Variants in CYP27A1 observed in about 807,000 individuals in gnomAD.
CYP27A1 encodes cytochrome P450 family 27 subfamily A member 1.
A neutral mutation model predicts 58.2 loss-of-function variants in CYP27A1; 46 were observed. The ratio of observed to expected loss-of-function variants is 0.79; its 90% confidence interval spans 0.62 to 1.01. The LOEUF is 1.01. Ranked by LOEUF, CYP27A1 falls within the 50% of genes least tolerant of loss-of-function variation. The pLI is 0.00. For synonymous variants in CYP27A1, 274 were observed against 285.1 expected (o/e 0.96, Z 0.39); for missense variants, 704 against 687.0 (o/e 1.02, Z -0.28).
At chr2:218,806,861 T>TATGGAAC (rs1384620169) in intron 1 of CYP27A1, among the ~76,000 whole-genome samples, 1 of 152,102 alleles carries the variant, frequency 6.6e-6, no homozygotes, top group Non-Finnish European at 1.5e-5. Context: ...TGGTTCATGG[T>TATGGAAC]CAGCTCTATG....
intron 1 of CYP27A1, among the ~76,000 whole-genome samples, chr2:218,806,550 A>G (rs980626125): frequency 6.6e-6 from 1 of 152,230 alleles, no homozygotes; most frequent in Non-Finnish European, 1.5e-5. Context: ...CTGGGTTGTT[A>G]TTGCATAATA....
intron 1 of CYP27A1, among the ~76,000 whole-genome samples, chr2:218,796,181 G>A (rs1943546241): frequency 6.6e-6 from 1 of 152,182 alleles, no homozygotes; most frequent in Non-Finnish European, 1.5e-5. Context: ...ACTCCTTAAA[G>A]GGAAGCATAC....
At position 218,809,770 on chromosome 2, in the gene CYP27A1, G is replaced by A; in HGVS notation, c.446+3G>A. 2 of 1,612,666 alleles carry A rather than the reference G, an allele frequency of 1.2e-6. No individual in the cohort carries two copies. Among genetic ancestry groups the A allele is most frequent in the South Asian group, 1.1e-5 (1 of 90,978 alleles). ...CTGACCTATGGGCCGTTCACCACGTGAGCTGGGGCCTGAAGGGACTGGAAC... is the reference window on the plus strand; with the variant it reads ...CTGACCTATGGGCCGTTCACCACGTAAGCTGGGGCCTGAAGGGACTGGAAC... On this transcript the variant is annotated splice_donor_region_variant and intron_variant, in intron 2 of 8. Coordinates refer to ENST00000258415, the MANE Select transcript of CYP27A1 (RefSeq NM_000784.4).
intron 1 of CYP27A1, among the ~76,000 whole-genome samples, chr2:218,797,117 T>C (rs7599010): frequency 0.51 from 77,752 of 151,986 alleles, 20,560 homozygotes; most frequent in African/African-American, 0.6. Flanking sequence ...TTTTTTGAGA[T>C]GGAGTTTTGC....
chr2:218,814,759 T>C lies in CYP27A1; in HGVS notation c.1476+2T>C, dbSNP rs1165952837. On this transcript the variant is annotated splice_donor_variant, in intron 8 of 8. Transcript: ENST00000258415. LOFTEE classifies it high-confidence loss of function. ...GAGATGCAGCTACTCCTCGCAAGGG[T>C]GAGCTGGGAGAGGCTAGTAGGGTGT... is the stretch of plus-strand genomic sequence containing the variant. The C allele has an allele frequency of 6.2e-7, 1 of 1,613,768 alleles. No homozygotes were observed. The highest frequency in any genetic ancestry group is 1.6e-4 in the Middle Eastern group (1 of 6,062).
Position 218,814,862 on chromosome 2 carries a change from G to A in CYP27A1, c.1477-49G>A, listed in dbSNP as rs754657308. 7 of 1,614,024 alleles carry A rather than the reference G, an allele frequency of 4.3e-6. No individual in the cohort carries two copies. In the South Asian group the frequency reaches 5.5e-5, roughly 13 times the overall value. ...GTAGGAGTGTGCAGAGCGGGGAGTG[G>A]ATGGCAAACACACAATCCACCCAAC... On this transcript the variant is annotated intron_variant, in intron 8 of 8. Transcript: ENST00000258415.
At chr2:218,795,889 G>C (rs1943543297) in intron 1 of CYP27A1, among the ~76,000 whole-genome samples, 1 of 152,096 alleles carries the variant, frequency 6.6e-6, no homozygotes, top group Admixed American at 6.5e-5. Context: ...TTCTACATAG[G>C]CCTTTTAGAT....
Position 218,815,106 on chromosome 2 carries a change from C to G in CYP27A1, c.*76C>G. 1 of 1,587,400 alleles carries G rather than the reference C, an allele frequency of 6.3e-7. No individual in the cohort carries two copies. Among genetic ancestry groups the G allele is most frequent in the Non-Finnish European group, 8.6e-7 (1 of 1,158,266 alleles). ...CAGTGGTTCCTGGCTGCTGCCATGT[C>G]TCAGATGAGGAGGGAGAGAAGGAGG... On this transcript the variant is annotated 3_prime_UTR_variant, in exon 9 of 9. Transcript: ENST00000258415.
At chr2:218,787,718 C>T (rs752001270) in intron 1 of CYP27A1, among the ~76,000 whole-genome samples, 27 of 143,726 alleles carry the variant, frequency 1.9e-4, no homozygotes, top group Non-Finnish European at 2.8e-4. Flanking sequence ...TTCTGCCATC[C>T]GATGACATTG....
At chr2:218,802,812 CT>C in intron 1 of CYP27A1, among the ~76,000 whole-genome samples, 1 of 152,094 alleles carries the variant, frequency 6.6e-6, no homozygotes, top group Non-Finnish European at 1.5e-5. Flanking sequence ...AACATCTTTT[CT>C]TGTGGTTAAC....
chr2:218,797,838 A>G (rs1057332674), intron 1 of CYP27A1, among the ~76,000 whole-genome samples: 1 of 152,342 alleles, frequency 6.6e-6, no homozygotes, highest in Admixed American at 6.5e-5. Flanking sequence ...CAATTTACAG[A>G]AAAAGCATAT....
rs1448337337 is a variant in CYP27A1 at position 218,782,554 on chromosome 2, C to T, written c.255+117C>T. On this transcript the variant is annotated intron_variant, in intron 1 of 8. Transcript: ENST00000258415. The surrounding 1 kb of genome is among the most constrained non-coding windows in gnomAD (Gnocchi z 4.1). The stretch of plus-strand genomic sequence containing the variant: ...CTGCAGGAACTCAGCTGGGGACCCA[C>T]TGAGGCTATGGTCATAAACTGGAAA... 3 of 1,329,204 alleles carry T rather than the reference C, an allele frequency of 2.3e-6. No homozygotes were observed. Among genetic ancestry groups the T allele is most frequent in the Non-Finnish European group, 3.2e-6 (3 of 934,608 alleles). 82.3% of individuals were successfully genotyped at this position (1,329,204 alleles called of 1,614,324 possible).
chr2:218,804,899 A>G (rs1395789949), intron 1 of CYP27A1, among the ~76,000 whole-genome samples: 1 of 152,238 alleles, frequency 6.6e-6, no homozygotes, highest in African/African-American at 2.4e-5. Context: ...GTGAGAGATC[A>G]GGGTGCCAGT....
intron 1 of CYP27A1, among the ~76,000 whole-genome samples, chr2:218,791,135 T>C (rs1943489012): frequency 6.6e-6 from 1 of 152,190 alleles, no homozygotes; most frequent in Non-Finnish European, 1.5e-5. Flanking sequence ...TGTACCCAGC[T>C]GAGGGATAAA....
chr2:218,805,193 T>G (rs1179774213), intron 1 of CYP27A1, among the ~76,000 whole-genome samples: 2 of 152,254 alleles, frequency 1.3e-5, no homozygotes, highest in Non-Finnish European at 2.9e-5. Flanking sequence ...CTTAATTTCC[T>G]TTCAGATTGT....
intron 1 of CYP27A1, among the ~76,000 whole-genome samples, chr2:218,801,542 C>T (rs1943600043): frequency 6.6e-6 from 1 of 151,824 alleles, no homozygotes; most frequent in South Asian, 2.1e-4. Context: ...TTATTTTTTG[C>T]AAATAAGTAC....
chr2:218,799,087 C>T (rs1182142601), intron 1 of CYP27A1, among the ~76,000 whole-genome samples: 1 of 152,196 alleles, frequency 6.6e-6, no homozygotes, highest in Non-Finnish European at 1.5e-5. Flanking sequence ...GTTGGAATTT[C>T]CAGCCTGCCA....
At position 218,785,748 on chromosome 2, in the gene CYP27A1, C is replaced by A. The variant is rs544235754; in HGVS notation, c.255+3311C>A. On this transcript the variant is annotated intron_variant, in intron 1 of 8. Coordinates refer to ENST00000258415, the MANE Select transcript of CYP27A1 (RefSeq NM_000784.4). ...GCCATCCCATGGGAAATACATTAGT[C>A]CTTCCCATTACATGTGGCTAGTGTG... Among the ~76,000 whole-genome samples, 21 of 152,226 alleles carry A rather than the reference C, an allele frequency of 1.4e-4. No individual in the cohort carries two copies. The South Asian group carries it at 4.4e-3, about 32-fold the overall frequency.
intron 1 of CYP27A1, among the ~76,000 whole-genome samples, chr2:218,799,638 A>G (rs2105975049): frequency 6.6e-6 from 1 of 152,222 alleles, no homozygotes; most frequent in South Asian, 2.1e-4. Flanking sequence ...ACCTCACACC[A>G]ACCTCCATAA....
Sources: allele counts gnomAD v4.1 joint callset (sites outside exome capture counted in the v4.1 genomes callset), GRCh38; gene constraint gnomAD v4.1.1; non-coding constraint Gnocchi (gnomAD v3.1); transcripts MANE v1.5; gene names NCBI Gene and HGNC (gene_info 2026-07-23, HGNC 2026-07-21).